The following TIGAR variants were observed in gnomAD, a reference collection of about 807,000 sequenced individuals.
TIGAR encodes the protein fructose-2,6-bisphosphatase TIGAR.
Under a neutral mutation model 17.9 loss-of-function variants are expected in TIGAR, and 7 were observed. The ratio of observed to expected loss-of-function variants is 0.39; its 90% confidence interval spans 0.22 to 0.73. The LOEUF (loss-of-function observed/expected upper bound fraction) is 0.73, where lower values mean the gene tolerates loss of function less well. TIGAR is among the 30% of genes least tolerant of loss of function. The probability of loss-of-function intolerance (pLI) is 0.42; values close to 1 mark genes in which losing one functional copy is unlikely to be tolerated. For missense variants in TIGAR, 258 were observed against 327.4 expected, an observed-to-expected ratio of 0.79 and a Z score of 1.64; for synonymous variants, 94 against 108.6, an observed-to-expected ratio of 0.87 and a Z score of 0.84.
rs756111863 is a variant in TIGAR at position 4,321,318 on chromosome 12, G to A, written c.32+15G>A. 6.2e-7 allele frequency: 1 copy of A among 1,600,912 alleles called. No homozygotes were observed. The highest frequency in any genetic ancestry group is 8.5e-7 in the Non-Finnish European group (1 of 1,179,754). On this transcript the variant is annotated intron_variant, in intron 1 of 5. Transcript: ENST00000179259. The surrounding 1 kb of genome is among the most constrained non-coding windows in gnomAD (Gnocchi z 5.2). ...GTTGTCCGGCAGTGAGTATGGCTGT[G>A]GCAGGATGTCTTTCTCTCTCTCTTC...
intron 3 of TIGAR, among the ~76,000 whole-genome samples, chr12:4,346,282 T>C (rs1381166541): frequency 6.6e-6 from 1 of 152,220 alleles, no homozygotes; most frequent in Non-Finnish European, 1.5e-5. Context: ...TTATAAATCA[T>C]GTGCTATAAA....
At position 4,338,356 on chromosome 12, in the gene TIGAR, A is replaced by T. The variant is rs116513473; in HGVS notation, c.192+1196A>T. Among the ~76,000 whole-genome samples, 1,225 of 152,264 alleles carry T rather than the reference A, an allele frequency of 8.0e-3. 15 individuals carry two copies. Among genetic ancestry groups the T allele is most frequent in the African/African-American group, 0.027 (1,137 of 41,540 alleles). On this transcript the variant is annotated intron_variant, in intron 3 of 5. Transcript: ENST00000179259. Reference sequence around the variant, plus strand: ...AAGTAGAACAAAGAAGGTGAGCCCTAGGGAGTGTCCTGGTTTTCTGGCTGA... The same window carrying T: ...AAGTAGAACAAAGAAGGTGAGCCCTTGGGAGTGTCCTGGTTTTCTGGCTGA...
rs1000654864 is a variant in TIGAR, at chr12:4,337,463, G to T, written c.192+303G>T. ...GCGTGAGCCACCACGCCCAGCAACA[G>T]GTGAGTTTAGAGTCAAGGTCTAGGC... On this transcript the variant is annotated intron_variant, in intron 3 of 5. Transcript: ENST00000179259. Among the ~76,000 whole-genome samples the T allele has an allele frequency of 4.6e-5, 7 of 152,298 alleles. 1 individual carries two copies. The highest frequency in any genetic ancestry group is 1.7e-4 in the African/African-American group (7 of 41,578).
At chr12:4,328,284 T>A (rs1267654159) in intron 1 of TIGAR, among the ~76,000 whole-genome samples, 2 of 148,534 alleles carry the variant, frequency 1.3e-5, no homozygotes, top group Admixed American at 6.7e-5. Flanking sequence ...CTCCACCTCC[T>A]GGGTTCAAGT....
chr12:4,330,950 T>C (rs571578272), intron 1 of TIGAR, among the ~76,000 whole-genome samples: 2 of 152,216 alleles, frequency 1.3e-5, no homozygotes, highest in Non-Finnish European at 2.9e-5. Flanking sequence ...GTAGTTTTGA[T>C]CAATATATTT....
chr12:4,344,392 C>G (rs537395610), intron 3 of TIGAR, among the ~76,000 whole-genome samples: 2 of 152,122 alleles, frequency 1.3e-5, no homozygotes, highest in African/African-American at 2.4e-5. Context: ...CCAGCATCAT[C>G]CTGATACCAA....
rs1338613673 is a variant in TIGAR, at chr12:4,355,721, A to G, written c.*3030A>G. The stretch of plus-strand genomic sequence containing the variant: ...TGTGGAACATTTGTTCTGTCAGAGA[A>G]GACAGTGTGTTGGCTCACATTGTGG... On this transcript the variant is annotated 3_prime_UTR_variant, in exon 6 of 6. Coordinates refer to ENST00000179259, the MANE Select transcript of TIGAR (RefSeq NM_020375.3). Among the ~76,000 whole-genome samples, 1 of 152,238 alleles carries G rather than the reference A, an allele frequency of 6.6e-6. No homozygotes were observed. The highest frequency in any genetic ancestry group is 1.5e-5 in the Non-Finnish European group (1 of 68,026).
rs371948863 is a variant in TIGAR, at chr12:4,333,781, G to A, written c.70+2464G>A. Among the ~76,000 whole-genome samples, 10 of 152,134 alleles carry A rather than the reference G, an allele frequency of 6.6e-5. No individual in the cohort carries two copies. The South Asian group carries it at 1.9e-3, about 28-fold the overall frequency. The stretch of plus-strand genomic sequence containing the variant: ...GCCTGGCCTAATTTTTGTATTTTTA[G>A]TAGAGACGGGGTTTCACCATGTTGG... On this transcript the variant is annotated intron_variant, in intron 2 of 5. Coordinates refer to ENST00000179259, the MANE Select transcript of TIGAR (RefSeq NM_020375.3).
At position 4,351,273 on chromosome 12, in the gene TIGAR, G is replaced by A; in HGVS notation, c.277G>A (p.Gly93Arg). The A allele has an allele frequency of 1.2e-6, 2 of 1,613,886 alleles. No individual in the cohort carries two copies. Among genetic ancestry groups the A allele is most frequent in the Non-Finnish European group, 1.7e-6 (2 of 1,179,870 alleles). ...ATCTATTGGACTGTTTCAGAAATAC[G>A]GGGTTGTAGAAGGCAAAGCGCTAAG... ...YDSRLRERKY[G>R]VVEGKALSEL... The change falls in exon 5 of 6, where the codon GGG becomes AGG. Residue 93 changes from glycine (G) to arginine (R), a missense_variant. Transcript: ENST00000179259.
rs867472665 is a variant in TIGAR at position 4,321,987 on chromosome 12, T to C, written c.32+684T>C. Among the ~76,000 whole-genome samples the C allele has an allele frequency of 4.4e-5, 5 of 114,758 alleles. No individual in the cohort carries two copies. The South Asian group carries it at 1.2e-3, about 27-fold the overall frequency. 75.3% of individuals were successfully genotyped at this position (114,758 alleles called of 152,430 possible). A position where few individuals can be genotyped will look rare whatever the true frequency, so the allele number is the denominator to read the frequency against. On this transcript the variant is annotated intron_variant, in intron 1 of 5. Coordinates refer to ENST00000179259, the MANE Select transcript of TIGAR (RefSeq NM_020375.3). The surrounding 1 kb of genome is among the most constrained non-coding windows in gnomAD (Gnocchi z 5.2). ...AAATCAGGGTAGTTAAGAGCACAGATTTTTATTTTTATTTTTTTTTTTTTG... is the reference window on the plus strand; with the variant it reads ...AAATCAGGGTAGTTAAGAGCACAGACTTTTATTTTTATTTTTTTTTTTTTG...
At chr12:4,344,451 A>T (rs1864758634) in intron 3 of TIGAR, among the ~76,000 whole-genome samples, 1 of 152,232 alleles carries the variant, frequency 6.6e-6, no homozygotes, top group Non-Finnish European at 1.5e-5. Context: ...AATATCCCTG[A>T]TGAACATTGA....
chr12:4,356,221 C>T lies in TIGAR; in HGVS notation c.*3530C>T, dbSNP rs1864899793. Among the ~76,000 whole-genome samples, 1 of 152,150 alleles carries T rather than the reference C, an allele frequency of 6.6e-6. No homozygotes were observed. Among genetic ancestry groups the T allele is most frequent in the Non-Finnish European group, 1.5e-5 (1 of 68,008 alleles). ...CAAGGCCAGGGATGTTGGCAGGGAC[C>T]AGGCCAGAGTGCCTCCAATGGCTAA... On this transcript the variant is annotated 3_prime_UTR_variant, in exon 6 of 6. Coordinates refer to ENST00000179259, the MANE Select transcript of TIGAR (RefSeq NM_020375.3).
At chr12:4,330,358 G>A (rs1864590989) in intron 1 of TIGAR, among the ~76,000 whole-genome samples, 1 of 152,158 alleles carries the variant, frequency 6.6e-6, no homozygotes, top group East Asian at 1.9e-4. Flanking sequence ...CTTGTTGAGG[G>A]TGGTACACCA....
chr12:4,357,966 T>C lies in TIGAR; in HGVS notation c.*5275T>C, dbSNP rs1002635044. ...AAAAATAGAAAAAATTAGCCAGGCC[T>C]GGTGGCCGGCGCCTGTAGTCCCAGC... On this transcript the variant is annotated 3_prime_UTR_variant, in exon 6 of 6. Transcript: ENST00000179259. 2.6e-5 allele frequency among the ~76,000 whole-genome samples: 4 copies of C among 151,902 alleles called. No homozygotes were observed. Among genetic ancestry groups the C allele is most frequent in the Non-Finnish European group, 5.9e-5 (4 of 67,984 alleles).
chr12:4,328,914 T>G (rs973934638), intron 1 of TIGAR, among the ~76,000 whole-genome samples: 1 of 152,196 alleles, frequency 6.6e-6, no homozygotes, highest in Non-Finnish European at 1.5e-5. Flanking sequence ...ACGTTTATTT[T>G]TTAAGCTAAT....
At chr12:4,347,727 A>G (rs1318971660) in intron 3 of TIGAR, among the ~76,000 whole-genome samples, 7 of 152,230 alleles carry the variant, frequency 4.6e-5, no homozygotes, top group Non-Finnish European at 8.8e-5. Flanking sequence ...GAAAAAAGCC[A>G]AAAAATGAAA....
intron 5 of TIGAR, 28 bp downstream of exon 5, chr12:4,351,405 G>A: frequency 1.3e-6 from 2 of 1,577,602 alleles, no homozygotes; most frequent in South Asian, 2.2e-5. Flanking sequence ...TGTCAGAATG[G>A]TTGAATTAAG....
intron 1 of TIGAR, among the ~76,000 whole-genome samples, chr12:4,323,214 G>C (rs1864501343): frequency 6.6e-6 from 1 of 151,996 alleles, no homozygotes; most frequent in Non-Finnish European, 1.5e-5. Flanking sequence ...AGTGAGGGCT[G>C]TAGTGAGCTG....
chr12:4,352,486 G>A lies in TIGAR; in HGVS notation c.608G>A (p.Arg203Lys). 1 of 1,614,142 alleles carries A rather than the reference G, an allele frequency of 6.2e-7. No individual in the cohort carries two copies. Among genetic ancestry groups the A allele is most frequent in the Non-Finnish European group, 8.5e-7 (1 of 1,180,014 alleles). Residue 203 changes from arginine (R) to lysine (K), a missense_variant, in exon 6 of 6, where the codon AGA becomes AAA. Physicochemically the swap from Arg to Lys is conservative, Grantham distance 26. Coordinates refer to ENST00000179259, the MANE Select transcript of TIGAR (RefSeq NM_020375.3). ...VLVVSHGAYMRSLFDYFLTDL... is the reference protein window; with the variant it reads ...VLVVSHGAYMKSLFDYFLTDL... ...GTTGTGAGTCACGGTGCTTACATGAGAAGTCTGTTTGATTATTTTCTGACT... is the reference window on the plus strand; with the variant it reads ...GTTGTGAGTCACGGTGCTTACATGAAAAGTCTGTTTGATTATTTTCTGACT...
Sources: gnomAD v4.1 joint callset for allele counts (sites outside exome capture counted in the v4.1 genomes callset) on GRCh38, gnomAD v4.1.1 for gene constraint, Gnocchi (gnomAD v3.1) non-coding constraint, MANE v1.5 for transcripts, NCBI Gene and HGNC (gene_info 2026-07-23, HGNC 2026-07-21) for gene names.